The following ABHD2 variants were observed in gnomAD, a reference collection of about 807,000 sequenced individuals.
ABHD2 encodes the protein monoacylglycerol lipase ABHD2.
ABHD2 carries 20 observed loss-of-function variants against 48.1 expected under a neutral mutation model. The ratio of observed to expected loss-of-function variants is 0.42; its 90% CI spans 0.29 to 0.60. The LOEUF (loss-of-function observed/expected upper bound fraction) is 0.60, where lower values mean the gene tolerates loss of function less well. ABHD2 is among the 20% of genes least tolerant of loss of function. The probability of loss-of-function intolerance (pLI) is 0.24; values close to 1 mark genes in which losing one functional copy is unlikely to be tolerated. For synonymous variants in ABHD2, 209 were observed against 214.2 expected (o/e 0.98, Z 0.21); for missense variants, 405 against 550.9 (o/e 0.74, Z 2.65).
chr15:89,193,228 G>A lies in ABHD2; in HGVS notation c.997-7G>A, dbSNP rs779546848. 2 of 1,613,664 alleles carry A rather than the reference G, an allele frequency of 1.2e-6. No individual in the cohort carries two copies. The highest frequency in any genetic ancestry group is 1.3e-5 in the African/African-American group (1 of 74,928). On this transcript the variant is annotated splice_region_variant and splice_polypyrimidine_tract_variant and intron_variant, in intron 9 of 10. Coordinates refer to ENST00000352732, the MANE Select transcript of ABHD2 (RefSeq NM_152924.5). ...TAGTTTAATTCTGCTTTATGTTCTT[G>A]TTGCAGATTTATGTTCCTCTCATGC...
the ABHD2 span, among the ~76,000 whole-genome samples, chr15:89,078,635 T>C: frequency 8.5e-5 from 13 of 152,224 alleles, no homozygotes; most frequent in African/African-American, 3.1e-4. Context: ...AGGAAATTTT[T>C]TGTGGGTCCC....
At chr15:89,123,108 C>A (rs923068571) in intron 3 of ABHD2, among the ~76,000 whole-genome samples, 2 of 152,142 alleles carry the variant, frequency 1.3e-5, no homozygotes, top group Non-Finnish European at 2.9e-5. Flanking sequence ...TTGAGAGACA[C>A]CTGAAACTTA....
intron 3 of ABHD2, among the ~76,000 whole-genome samples, chr15:89,119,036 G>C (rs1478566266): frequency 6.6e-6 from 1 of 152,120 alleles, no homozygotes; most frequent in African/African-American, 2.4e-5. Context: ...CATCAGCATG[G>C]AGCCCCCTGG....
chr15:89,051,952 T>C, the ABHD2 span, among the ~76,000 whole-genome samples: 2 of 152,110 alleles, frequency 1.3e-5, no homozygotes, highest in East Asian at 3.9e-4. Context: ...TGAGAAGCTA[T>C]TGGTAGACTG....
At chr15:89,187,573 C>T (rs771779257) in intron 7 of ABHD2, among the ~76,000 whole-genome samples, 23 of 152,042 alleles carry the variant, frequency 1.5e-4, no homozygotes, top group Non-Finnish European at 2.9e-4. Context: ...ACGTTGTGAC[C>T]CCTACCTCTA....
chr15:89,080,705 T>C, the ABHD2 span, among the ~76,000 whole-genome samples: 1 of 148,548 alleles, frequency 6.7e-6, no homozygotes, highest in African/African-American at 2.6e-5. Context: ...TTTTTTTTTT[T>C]TTTTTTTAAG....
At chr15:89,079,326 A>G in the ABHD2 span, among the ~76,000 whole-genome samples, 4 of 152,098 alleles carry the variant, frequency 2.6e-5, no homozygotes, top group African/African-American at 9.7e-5. The surrounding 1 kb of genome is among the most constrained non-coding windows in gnomAD (Gnocchi z 4.3). Context: ...TTTCCTCTCT[A>G]AAGTCCTGAA....
chr15:89,128,868 A>C (rs1040381117), intron 3 of ABHD2, among the ~76,000 whole-genome samples: 1 of 152,088 alleles, frequency 6.6e-6, no homozygotes, highest in Non-Finnish European at 1.5e-5. Context: ...TCCTGTGAGC[A>C]CTGGTGGTAG....
intron 2 of ABHD2, among the ~76,000 whole-genome samples, chr15:89,115,461 G>C (rs940775092): frequency 1.3e-4 from 20 of 151,410 alleles, no homozygotes; most frequent in Admixed American, 1.1e-3. Context: ...TACTTCAAAA[G>C]AGAAATATTG....
At chr15:89,105,592 G>C (rs930923196) in intron 1 of ABHD2, among the ~76,000 whole-genome samples, 1 of 152,248 alleles carries the variant, frequency 6.6e-6, no homozygotes, top group African/African-American at 2.4e-5. Flanking sequence ...AATCCCTCCA[G>C]TTCTCTTCTA....
Position 89,091,606 on chromosome 15 carries a change from C to T in ABHD2, c.-107+3043C>T, listed in dbSNP as rs997534828. Among the ~76,000 whole-genome samples the T allele has an allele frequency of 7.2e-5, 11 of 152,112 alleles. No individual in the cohort carries two copies. In the East Asian group the frequency reaches 9.6e-4, roughly 13 times the overall value. ...CTGCCCTTGTTCAGAGCTCCTGCCC[C>T]GAGCAGGAAATAATTTCTTTGGTCT... On this transcript the variant is annotated intron_variant, in intron 1 of 10. Coordinates refer to ENST00000352732, the MANE Select transcript of ABHD2 (RefSeq NM_152924.5). This position sits in a 1 kb window ranked among gnomAD's most constrained non-coding sequence, Gnocchi z 5.5.
the ABHD2 span, among the ~76,000 whole-genome samples, chr15:89,059,623 C>T: frequency 6.6e-6 from 1 of 152,166 alleles, no homozygotes; most frequent in East Asian, 1.9e-4. Context: ...GAAGTACGAC[C>T]GGCTACCCCA....
chr15:89,146,882 T>C lies in ABHD2; in HGVS notation c.195-4795T>C, dbSNP rs1238077912. ...CCTAGGTAATATATATTTGTCGTGTTTCCAATCAAAAATCTAAAATTTTTA... is the reference window on the plus strand; with the variant it reads ...CCTAGGTAATATATATTTGTCGTGTCTCCAATCAAAAATCTAAAATTTTTA... On this transcript the variant is annotated intron_variant, in intron 3 of 10. Transcript: ENST00000352732. This position sits in a 1 kb window ranked among gnomAD's most constrained non-coding sequence, Gnocchi z 4.2. 1.3e-5 allele frequency among the ~76,000 whole-genome samples: 2 copies of C among 152,168 alleles called. No homozygotes were observed. Among genetic ancestry groups the C allele is most frequent in the African/African-American group, 4.8e-5 (2 of 41,460 alleles).
intron 5 of ABHD2, among the ~76,000 whole-genome samples, chr15:89,172,717 T>C (rs1398123525): frequency 6.6e-6 from 1 of 152,236 alleles, no homozygotes; most frequent in Non-Finnish European, 1.5e-5. Flanking sequence ...TCTAAACAAC[T>C]CTACGAAGTC....
chr15:89,103,237 C>T (rs1335375677), intron 1 of ABHD2, among the ~76,000 whole-genome samples: 1 of 152,166 alleles, frequency 6.6e-6, no homozygotes. Flanking sequence ...TTAAAACTAA[C>T]ATTTTTCTAA....
chr15:89,088,336 A>C (rs1209688087), upstream of ABHD2: 1 of 152,408 alleles, frequency 6.6e-6, no homozygotes, highest in East Asian at 1.9e-4. This position sits in a 1 kb window ranked among gnomAD's most constrained non-coding sequence, Gnocchi z 6.8. Context: ...GCGCGGGGCA[A>C]GTGGAGAAGC....
At chr15:89,062,504 A>AGTATTAAC in the ABHD2 span, among the ~76,000 whole-genome samples, 1 of 151,972 alleles carries the variant, frequency 6.6e-6, no homozygotes, top group African/African-American at 2.4e-5. Flanking sequence ...TATTAACTCC[A>AGTATTAAC]CTTCAGCCTC....
Position 89,186,613 on chromosome 15 carries a change from T to C in ABHD2, c.815+1097T>C, listed in dbSNP as rs2051214547. On this transcript the variant is annotated intron_variant, in intron 7 of 10. Transcript: ENST00000352732. The surrounding 1 kb of genome is among the most constrained non-coding windows in gnomAD (Gnocchi z 4.3). ...CCAACTCATCCATGCCCAAGTTGCTTTTCTTTTGCTTCCCCTCTGTAAATC... is the reference window on the plus strand; with the variant it reads ...CCAACTCATCCATGCCCAAGTTGCTCTTCTTTTGCTTCCCCTCTGTAAATC... Among the ~76,000 whole-genome samples, 1 of 152,128 alleles carries C rather than the reference T, an allele frequency of 6.6e-6. No homozygotes were observed. Among genetic ancestry groups the C allele is most frequent in the Admixed American group, 6.5e-5 (1 of 15,268 alleles).
rs1156345417 is a variant in ABHD2 at position 89,186,516 on chromosome 15, C to G, written c.815+1000C>G. The stretch of plus-strand genomic sequence containing the variant: ...ACTTACTGCCCTTGCTGAGAATACT[C>G]TCCCGTTTCTCTGCTGGTGGGAACT... On this transcript the variant is annotated intron_variant, in intron 7 of 10. Coordinates refer to ENST00000352732, the MANE Select transcript of ABHD2 (RefSeq NM_152924.5). The surrounding 1 kb of genome is among the most constrained non-coding windows in gnomAD (Gnocchi z 4.3). Among the ~76,000 whole-genome samples the G allele has an allele frequency of 2.0e-5, 3 of 152,118 alleles. No homozygotes were observed. The highest frequency in any genetic ancestry group is 4.8e-5 in the African/African-American group (2 of 41,406).
Sources: gnomAD v4.1 joint callset for allele counts (sites outside exome capture counted in the v4.1 genomes callset) on GRCh38, gnomAD v4.1.1 for gene constraint, Gnocchi (gnomAD v3.1) non-coding constraint, MANE v1.5 for transcripts, NCBI Gene and HGNC (gene_info 2026-07-23, HGNC 2026-07-21) for gene names.